Variants in CAMTA1 observed in about 807,000 individuals in gnomAD.
CAMTA1 encodes calmodulin-binding transcription activator 1.
A neutral mutation model predicts 170.9 loss-of-function variants in CAMTA1; 27 were observed. The observed-to-expected ratio is 0.16, with a 90% CI of 0.12 to 0.22. The LOEUF (loss-of-function observed/expected upper bound fraction) is 0.22, where lower values mean the gene tolerates loss of function less well. Ranked by LOEUF, CAMTA1 falls within the 10% of genes least tolerant of loss-of-function variation. The probability of loss-of-function intolerance (pLI) is 1.00; values close to 1 mark genes in which losing one functional copy is unlikely to be tolerated. For missense variants in CAMTA1, 1,619 were observed against 2,217.2 expected (o/e 0.73, Z 5.42); for synonymous variants, 833 against 891.5 (o/e 0.93, Z 1.17).
At chr1:7,326,092 C>G (rs1679223146) in intron 5 of CAMTA1, among the ~76,000 whole-genome samples, 1 of 151,982 alleles carries the variant, frequency 6.6e-6, no homozygotes, top group Non-Finnish European at 1.5e-5. Context: ...CTCATGAGCT[C>G]AAGTGATCCG....
At chr1:7,042,571 C>T (rs764656011) in intron 3 of CAMTA1, among the ~76,000 whole-genome samples, 30 of 152,188 alleles carry the variant, frequency 2.0e-4, no homozygotes, top group Non-Finnish European at 1.5e-4. Flanking sequence ...TCCCTGAGCC[C>T]GTGCCCTCTA....
intron 5 of CAMTA1, among the ~76,000 whole-genome samples, chr1:7,314,577 C>G (rs1677210078): frequency 6.6e-6 from 1 of 152,036 alleles, no homozygotes; most frequent in Non-Finnish European, 1.5e-5. Flanking sequence ...TGATGGTTCC[C>G]AATAATTCTA....
intron 5 of CAMTA1, among the ~76,000 whole-genome samples, chr1:7,265,098 C>T (rs1668712385): frequency 6.6e-6 from 1 of 152,096 alleles, no homozygotes; most frequent in South Asian, 2.1e-4. Context: ...ACTTCTCAGG[C>T]AGCCTCGAGT....
intron 9 of CAMTA1, among the ~76,000 whole-genome samples, chr1:7,669,022 C>A (rs1033757888): frequency 5.9e-5 from 9 of 152,184 alleles, no homozygotes; most frequent in Non-Finnish European, 5.9e-5. Flanking sequence ...GCCACTTCCA[C>A]GGAGCTGCAA....
At chr1:7,335,155 GGGT>G (rs2083297993) in intron 5 of CAMTA1, among the ~76,000 whole-genome samples, 13 of 55,354 alleles carry the variant, frequency 2.3e-4, no homozygotes, top group African/African-American at 6.9e-4. Context: ...GGGGGGGGGG[GGGT>G]GGGGGTGGGG....
chr1:6,982,527 C>G (rs1694605545), intron 3 of CAMTA1, among the ~76,000 whole-genome samples: 1 of 152,166 alleles, frequency 6.6e-6, no homozygotes, highest in African/African-American at 2.4e-5. Flanking sequence ...GTGGCACAGC[C>G]CTTGGAACAA....
chr1:7,276,304 T>TATATATATATATATAA (rs1553299266), intron 5 of CAMTA1, among the ~76,000 whole-genome samples: 2 of 14,950 alleles, frequency 1.3e-4, no homozygotes, highest in African/African-American at 6.7e-4. Flanking sequence ...TATATATATA[T>TATATATATATATATAA]TTTTTTTTTT....
intron 6 of CAMTA1, among the ~76,000 whole-genome samples, chr1:7,616,380 G>C (rs1227167605): frequency 6.6e-6 from 1 of 152,252 alleles, no homozygotes; most frequent in Non-Finnish European, 1.5e-5. Context: ...GTCTTGGGTA[G>C]TCGTGGAGGT....
At position 7,707,975 on chromosome 1, in the gene CAMTA1, C is replaced by T. The variant is rs141221616; in HGVS notation, c.2915-24473C>T. ...GCCATCAGGAGATAGTTACTCTTCA[C>T]CCCACAGGCAGTACAGCAAGTGACT... On this transcript the variant is annotated intron_variant, in intron 11 of 22. Transcript: ENST00000303635. 8.1e-4 allele frequency among the ~76,000 whole-genome samples: 124 copies of T among 152,304 alleles called. No homozygotes were observed. In the Middle Eastern group the frequency reaches 0.01, roughly 13 times the overall value.
At chr1:7,372,943 A>C (rs780188476) in intron 5 of CAMTA1, among the ~76,000 whole-genome samples, 6 of 152,212 alleles carry the variant, frequency 3.9e-5, no homozygotes, top group Non-Finnish European at 8.8e-5. Context: ...CCCTGGGCCA[A>C]CCAGGTAGTG....
intron 6 of CAMTA1, among the ~76,000 whole-genome samples, chr1:7,582,667 A>T (rs1476084559): frequency 1.3e-5 from 2 of 152,036 alleles, no homozygotes; most frequent in Non-Finnish European, 1.5e-5. Flanking sequence ...CATCCCAGCC[A>T]CTACAAAGGA....
chr1:7,449,807 AAGAAAGTACTGGGGCCC>A (rs1389398545), intron 5 of CAMTA1, among the ~76,000 whole-genome samples: 88 of 151,930 alleles, frequency 5.8e-4, no homozygotes, highest in African/African-American at 1.9e-3. Context: ...GAAAAAAGAA[AAGAAAGTACTGGGGCCC>A]AGTACTCAGT....
chr1:7,590,767 G>A (rs1391838446), intron 6 of CAMTA1, among the ~76,000 whole-genome samples: 1 of 152,204 alleles, frequency 6.6e-6, no homozygotes, highest in Non-Finnish European at 1.5e-5. Flanking sequence ...CTGGGCAGTG[G>A]GTGTCAGACT....
intron 4 of CAMTA1, among the ~76,000 whole-genome samples, chr1:7,229,231 G>A (rs948452193): frequency 4.0e-5 from 6 of 151,516 alleles, no homozygotes; most frequent in Non-Finnish European, 7.4e-5. Flanking sequence ...CCTTCTGCAC[G>A]GCTTTGCCCT....
rs1188202336 is a variant in CAMTA1, at chr1:7,580,316, G to A, written c.511-60084G>A. ...GGAGCTGTTGGGGGGAATGGGGGCA[G>A]GTGGAGAAGAGGAGGAGCTTTCTGG... is the stretch of plus-strand genomic sequence containing the variant. On this transcript the variant is annotated intron_variant, in intron 6 of 22. Transcript: ENST00000303635. The surrounding 1 kb of genome is among the most constrained non-coding windows in gnomAD (Gnocchi z 4.3). Among the ~76,000 whole-genome samples, 1 of 151,914 alleles carries A rather than the reference G, an allele frequency of 6.6e-6. No individual in the cohort carries two copies. The highest frequency in any genetic ancestry group is 6.5e-5 in the Admixed American group (1 of 15,282).
intron 3 of CAMTA1, among the ~76,000 whole-genome samples, chr1:6,893,961 C>T (rs1675112199): frequency 6.6e-6 from 1 of 152,206 alleles, no homozygotes; most frequent in South Asian, 2.1e-4. Context: ...GCACTTCTTT[C>T]CTTTCCTTTC....
chr1:7,209,855 A>G (rs900378303), intron 4 of CAMTA1, among the ~76,000 whole-genome samples: 2 of 152,178 alleles, frequency 1.3e-5, no homozygotes, highest in Non-Finnish European at 2.9e-5. Context: ...AGATTTCAGA[A>G]AAGTTGTAGG....
At chr1:7,072,347 G>A (rs1256153117) in intron 3 of CAMTA1, among the ~76,000 whole-genome samples, 5 of 152,142 alleles carry the variant, frequency 3.3e-5, no homozygotes, top group Non-Finnish European at 2.9e-5. Flanking sequence ...TGTGGGCTCC[G>A]GAGGCACGCA....
At chr1:7,222,381 C>G (rs1019552552) in intron 4 of CAMTA1, among the ~76,000 whole-genome samples, 1 of 152,172 alleles carries the variant, frequency 6.6e-6, no homozygotes, top group South Asian at 2.1e-4. Context: ...CCTCATGGAA[C>G]ATTCAATCCT....
Sources: allele counts gnomAD v4.1 joint callset (sites outside exome capture counted in the v4.1 genomes callset), GRCh38; gene constraint gnomAD v4.1.1; non-coding constraint Gnocchi (gnomAD v3.1); transcripts MANE v1.5; gene names NCBI Gene and HGNC (gene_info 2026-07-23, HGNC 2026-07-21).